Variants in ZNF804A observed in about 807,000 individuals in gnomAD.
ZNF804A encodes zinc finger protein 804A.
A neutral mutation model predicts 16.5 loss-of-function variants in ZNF804A; 2 were observed. The ratio of observed to expected loss-of-function variants is 0.12; its 90% CI spans 0.05 to 0.38. ZNF804A has a LOEUF of 0.38. Among genes scored for constraint, ZNF804A ranks in the 10% least tolerant of loss-of-function variants. ZNF804A has a pLI of 0.99. For missense variants in ZNF804A, 1,473 were observed against 1,390.7 expected (o/e 1.06, Z -0.94); for synonymous variants, 534 against 489.6 (o/e 1.09, Z -1.20).
intron 1 of ZNF804A, among the ~76,000 whole-genome samples, chr2:184,765,986 T>G (rs1341270509): frequency 2.6e-5 from 4 of 152,126 alleles, no homozygotes; most frequent in Non-Finnish European, 5.9e-5. Flanking sequence ...TGTTATTTGG[T>G]TAGAGCAGGA....
At chr2:184,897,195 A>T (rs7584503) in intron 2 of ZNF804A, among the ~76,000 whole-genome samples, 49,460 of 151,892 alleles carry the variant, frequency 0.33, 10,779 homozygotes, top group African/African-American at 0.62. Flanking sequence ...GGGGAAGAAA[A>T]ACCACAGAGG....
intron 2 of ZNF804A, among the ~76,000 whole-genome samples, chr2:184,868,601 G>A (rs2105812317): frequency 6.6e-6 from 1 of 152,146 alleles, no homozygotes; most frequent in Admixed American, 6.6e-5. Flanking sequence ...AGCTGAGAAA[G>A]CTGGTTTGCA....
intron 1 of ZNF804A, among the ~76,000 whole-genome samples, chr2:184,627,788 T>G (rs1252752972): frequency 6.6e-6 from 1 of 152,180 alleles, no homozygotes; most frequent in East Asian, 1.9e-4. Context: ...GCTCTTCAAG[T>G]TAATATCTCA....
intron 1 of ZNF804A, among the ~76,000 whole-genome samples, chr2:184,675,179 C>T (rs1454366681): frequency 6.6e-6 from 1 of 151,742 alleles, no homozygotes; most frequent in Non-Finnish European, 1.5e-5. Context: ...TATGTGTATT[C>T]ACACAAAGAG....
At chr2:184,748,535 A>G (rs1693829759) in intron 1 of ZNF804A, among the ~76,000 whole-genome samples, 1 of 151,234 alleles carries the variant, frequency 6.6e-6, no homozygotes, top group African/African-American at 2.4e-5. Context: ...TGGACTTTTG[A>G]CAGTTGCATA....
chr2:184,847,091 A>T (rs1695531509), intron 1 of ZNF804A, among the ~76,000 whole-genome samples: 1 of 152,134 alleles, frequency 6.6e-6, no homozygotes, highest in Non-Finnish European at 1.5e-5. Context: ...TTTCAGAAAG[A>T]ATTTTTCTTG....
chr2:184,631,432 T>C lies in ZNF804A; in HGVS notation c.111+32362T>C, dbSNP rs140841957. The stretch of plus-strand genomic sequence containing the variant: ...AAATGTTATGCCGGCTTCATTAATA[T>C]ATTATTCTAGGTGATAATACTAAAA... On this transcript the variant is annotated intron_variant, in intron 1 of 3. Coordinates refer to ENST00000302277, the MANE Select transcript of ZNF804A (RefSeq NM_194250.2). Among the ~76,000 whole-genome samples the C allele has an allele frequency of 4.6e-3, 698 of 152,308 alleles. 8 individuals carry two copies. Among genetic ancestry groups the C allele is most frequent in the African/African-American group, 0.015 (642 of 41,590 alleles).
intron 1 of ZNF804A, among the ~76,000 whole-genome samples, chr2:184,706,045 C>A (rs1693026039): frequency 6.6e-6 from 1 of 152,150 alleles, no homozygotes; most frequent in Admixed American, 6.5e-5. Flanking sequence ...CAAACACCTT[C>A]TTGTTCTCTC....
At chr2:184,714,413 G>T (rs556335774) in intron 1 of ZNF804A, among the ~76,000 whole-genome samples, 83 of 152,044 alleles carry the variant, frequency 5.5e-4, no homozygotes, top group East Asian at 2.3e-3. Context: ...CATTTCTAAA[G>T]TTTAGAATTG....
At chr2:184,866,250 T>A in intron 1 of ZNF804A, 119 bp from the exon 2 acceptor site, 2 of 845,430 alleles carry the variant, frequency 2.4e-6, no homozygotes, top group Non-Finnish European at 3.4e-6. Flanking sequence ...TTGCTTTCTT[T>A]TTCTCTTTGC....
chr2:184,735,568 T>C (rs1559137981), intron 1 of ZNF804A, among the ~76,000 whole-genome samples: 1 of 152,342 alleles, frequency 6.6e-6, no homozygotes, highest in East Asian at 1.9e-4. Context: ...TCTGCACATG[T>C]ATCCCAGAAC....
chr2:184,621,340 T>C (rs1198654217), intron 1 of ZNF804A, among the ~76,000 whole-genome samples: 2 of 151,732 alleles, frequency 1.3e-5, no homozygotes, highest in Non-Finnish European at 3.0e-5. Context: ...TATTTCCCAT[T>C]ACCAGCACTT....
intron 1 of ZNF804A, among the ~76,000 whole-genome samples, chr2:184,754,544 G>GT (rs1693928778): frequency 6.6e-6 from 1 of 151,670 alleles, no homozygotes; most frequent in Non-Finnish European, 1.5e-5. Context: ...CTTTATAAAT[G>GT]TTTTTTAAAT....
intron 2 of ZNF804A, among the ~76,000 whole-genome samples, chr2:184,873,038 T>C (rs1368769003): frequency 6.6e-6 from 1 of 152,208 alleles, no homozygotes; most frequent in Non-Finnish European, 1.5e-5. Flanking sequence ...ATTATCCTTA[T>C]TTTTAAAAAA....
At chr2:184,614,669 A>G (rs1559108561) in intron 1 of ZNF804A, among the ~76,000 whole-genome samples, 1 of 152,194 alleles carries the variant, frequency 6.6e-6, no homozygotes, top group Admixed American at 6.6e-5. Flanking sequence ...CCATAGTAAC[A>G]GGAACTTAAA....
At chr2:184,750,018 C>A (rs990609594) in intron 1 of ZNF804A, among the ~76,000 whole-genome samples, 1 of 151,210 alleles carries the variant, frequency 6.6e-6, no homozygotes, top group Non-Finnish European at 1.5e-5. Flanking sequence ...ATTCATAATA[C>A]AAGATGGTCT....
intron 1 of ZNF804A, among the ~76,000 whole-genome samples, chr2:184,848,424 C>T (rs934533176): frequency 2.6e-5 from 4 of 151,892 alleles, no homozygotes; most frequent in African/African-American, 4.8e-5. Context: ...CTGTTTCTTC[C>T]TGAATAAATT....
intron 1 of ZNF804A, among the ~76,000 whole-genome samples, chr2:184,800,323 C>T (rs1205398731): frequency 6.6e-6 from 1 of 150,988 alleles, no homozygotes; most frequent in Non-Finnish European, 1.5e-5. Flanking sequence ...ATTATTATTG[C>T]TTTTCTTCTG....
chr2:184,877,838 A>G (rs917349060), intron 2 of ZNF804A, among the ~76,000 whole-genome samples: 7 of 152,136 alleles, frequency 4.6e-5, no homozygotes, highest in Non-Finnish European at 7.4e-5. Context: ...ATAGTGAAGT[A>G]CATCTCCACT....
Sources: allele counts gnomAD v4.1 joint callset (sites outside exome capture counted in the v4.1 genomes callset), GRCh38; gene constraint gnomAD v4.1.1; transcripts MANE v1.5; gene names NCBI Gene and HGNC (gene_info 2026-07-23, HGNC 2026-07-21).